The following NBAS variants were observed in gnomAD, a reference collection of about 807,000 sequenced individuals.
NBAS encodes NBAS subunit of NRZ tethering complex.
NBAS carries 219 observed loss-of-function variants against 302.5 expected under a neutral mutation model. That is an observed-to-expected ratio of 0.72 (90% CI 0.65 to 0.81). The LOEUF is 0.81. NBAS is among the 30% of genes least tolerant of loss of function. The probability of loss-of-function intolerance (pLI) is 0.00; values close to 1 mark genes in which losing one functional copy is unlikely to be tolerated. For missense variants in NBAS, 2,932 were observed against 2,841.6 expected, an observed-to-expected ratio of 1.03 and a Z score of -0.72; for synonymous variants, 1,118 against 1,021.6, an observed-to-expected ratio of 1.09 and a Z score of -1.80.
rs182605474 is a variant in NBAS, at chr2:15,462,866, T to C, written c.2098-1075A>G. Among the ~76,000 whole-genome samples, 135 of 151,952 alleles carry C rather than the reference T, an allele frequency of 8.9e-4. 1 individual carries two copies. Among genetic ancestry groups the C allele is most frequent in the Middle Eastern group, 3.4e-3 (1 of 294 alleles). On this transcript the variant is annotated intron_variant, in intron 19 of 51. Coordinates refer to ENST00000281513, the MANE Select transcript of NBAS (RefSeq NM_015909.4). ...TTGAGGAACAACATTATTTAAAGGA[T>C]GAACAAGGAAAAGGGAACCTGCATC... is the stretch of plus-strand genomic sequence containing the variant.
chr2:14,917,712 T>C, the NBAS span, among the ~76,000 whole-genome samples: 3 of 152,256 alleles, frequency 2.0e-5, no homozygotes, highest in African/African-American at 7.2e-5. Flanking sequence ...GAGGCATTAC[T>C]GTGGCAGCCC....
intron 32 of NBAS, among the ~76,000 whole-genome samples, chr2:15,360,845 T>C (rs1437526959): frequency 1.3e-5 from 2 of 152,124 alleles, no homozygotes; most frequent in African/African-American, 2.4e-5. Flanking sequence ...CAATGCCTTC[T>C]GGAATCCCTC....
chr2:15,386,548 T>A (rs527240990), intron 28 of NBAS, among the ~76,000 whole-genome samples: 1 of 152,318 alleles, frequency 6.6e-6, no homozygotes, highest in Admixed American at 6.5e-5. Context: ...TCCCTACAGA[T>A]CTGGAATTTA....
chr2:15,252,391 A>G (rs1668405183), intron 44 of NBAS, among the ~76,000 whole-genome samples: 1 of 152,074 alleles, frequency 6.6e-6, no homozygotes, highest in Non-Finnish European at 1.5e-5. Context: ...CCAACTACTC[A>G]GGAAGCTGAG....
intron 9 of NBAS, among the ~76,000 whole-genome samples, chr2:15,514,661 CATATA>C (rs988111728): frequency 9.3e-5 from 14 of 151,112 alleles, no homozygotes; most frequent in East Asian, 1.9e-4. Context: ...GTATTAAAAA[CATATA>C]ATATAGTAAA....
intron 1 of NBAS, 119 bp from the exon 2 acceptor site, chr2:15,558,753 G>A: frequency 1.3e-6 from 1 of 799,518 alleles, no homozygotes; most frequent in Non-Finnish European, 2.1e-6. Context: ...TGGGCACAGG[G>A]AAGCAGTGTC....
intron 40 of NBAS, among the ~76,000 whole-genome samples, chr2:15,303,681 T>A (rs147554437): frequency 1.3e-5 from 2 of 152,200 alleles, no homozygotes; most frequent in African/African-American, 4.8e-5. Flanking sequence ...AAACAGTACA[T>A]GCATTAGGAC....
chr2:15,197,161 C>T (rs139788989), intron 48 of NBAS, among the ~76,000 whole-genome samples: 2 of 152,204 alleles, frequency 1.3e-5, no homozygotes, highest in East Asian at 1.9e-4. Context: ...GGTCTCAATG[C>T]TATATATAAG....
intron 44 of NBAS, among the ~76,000 whole-genome samples, chr2:15,271,033 T>C (rs958198746): frequency 4.6e-5 from 7 of 152,212 alleles, no homozygotes; most frequent in African/African-American, 7.2e-5. Flanking sequence ...ACAGCTACAA[T>C]GCAACCTTTT....
chr2:15,246,214 A>T (rs1027753162), intron 44 of NBAS, among the ~76,000 whole-genome samples: 2 of 152,088 alleles, frequency 1.3e-5, no homozygotes, highest in African/African-American at 4.8e-5. Flanking sequence ...AAACATAATC[A>T]CCCTTTCTTA....
At chr2:15,545,026 T>C (rs1266157316) in intron 6 of NBAS, among the ~76,000 whole-genome samples, 1 of 150,828 alleles carries the variant, frequency 6.6e-6, no homozygotes, top group Non-Finnish European at 1.5e-5. Context: ...AAAAAAAATA[T>C]ATCCAATACC....
intron 32 of NBAS, 46 bp downstream of exon 32, chr2:15,366,534 A>G (rs1674209636): frequency 6.6e-7 from 1 of 1,525,800 alleles, no homozygotes; most frequent in South Asian, 1.1e-5. Context: ...GATGTCAAGA[A>G]TAACATAGAA....
At chr2:15,219,316 C>CT (rs1276567455) in intron 47 of NBAS, among the ~76,000 whole-genome samples, 23 of 129,020 alleles carry the variant, frequency 1.8e-4, no homozygotes, top group African/African-American at 6.3e-4. Context: ...TTTTTTTTTT[C>CT]TTTTCTTTTT....
intron 48 of NBAS, among the ~76,000 whole-genome samples, chr2:15,203,503 A>C (rs1266661577): frequency 6.6e-6 from 1 of 152,200 alleles, no homozygotes; most frequent in Non-Finnish European, 1.5e-5. Context: ...TTCCAGTTAG[A>C]AATTATGCAG....
the NBAS span, among the ~76,000 whole-genome samples, chr2:15,081,646 C>A: frequency 6.6e-6 from 1 of 152,176 alleles, no homozygotes; most frequent in Non-Finnish European, 1.5e-5. Context: ...GAAAGAGATG[C>A]CCCAGCGTCC....
chr2:15,007,747 T>G, the NBAS span, among the ~76,000 whole-genome samples: 1 of 152,186 alleles, frequency 6.6e-6, no homozygotes, highest in East Asian at 1.9e-4. Context: ...ACTAGGATGA[T>G]AGTAAAGGCT....
intron 29 of NBAS, among the ~76,000 whole-genome samples, chr2:15,381,648 A>G (rs77626929): frequency 0.029 from 4,368 of 152,310 alleles, 170 homozygotes; most frequent in African/African-American, 0.088. Flanking sequence ...CCTCAAACAC[A>G]CTAGTGACAG....
At chr2:15,358,417 T>C (rs1165301093) in intron 32 of NBAS, among the ~76,000 whole-genome samples, 1 of 152,040 alleles carries the variant, frequency 6.6e-6, no homozygotes, top group Non-Finnish European at 1.5e-5. Flanking sequence ...TGCGCACACA[T>C]GTGTGCATGT....
chr2:15,551,577 C>A, intron 5 of NBAS, 41 bp from the exon 6 acceptor site: 1 of 1,510,900 alleles, frequency 6.6e-7, no homozygotes, highest in Non-Finnish European at 9.1e-7. Flanking sequence ...TTTATCGTAA[C>A]ACTGTATAGA....
Sources: gnomAD v4.1 joint callset for allele counts (sites outside exome capture counted in the v4.1 genomes callset) on GRCh38, gnomAD v4.1.1 for gene constraint, MANE v1.5 for transcripts, NCBI Gene and HGNC (gene_info 2026-07-23, HGNC 2026-07-21) for gene names.